Variants in PHIP observed in about 807,000 individuals in gnomAD.
The protein encoded by PHIP is PH-interacting protein.
A neutral mutation model predicts 236.8 loss-of-function variants in PHIP; 54 were observed. The ratio of observed to expected loss-of-function variants is 0.23; its 90% CI spans 0.18 to 0.29. The LOEUF is 0.29. Among genes scored for constraint, PHIP ranks in the 10% least tolerant of loss-of-function variants. The pLI, the probability that PHIP is intolerant of heterozygous loss-of-function variation, is 1.00. For synonymous variants in PHIP, 756 were observed against 718.9 expected (o/e 1.05, Z -0.83); for missense variants, 1,370 against 2,190.8 (o/e 0.63, Z 7.48).
In PHIP at chr6:78,981,047, T is replaced by C. The variant is rs1313397673; in HGVS notation, c.2769+1839A>G. On this transcript the variant is annotated intron_variant, in intron 23 of 39. Coordinates refer to ENST00000275034, the MANE Select transcript of PHIP (RefSeq NM_017934.7). ...TATGAGGACATATCTTATTCCCCAA[T>C]AATTCCTGAGGAACTTAGAATGTTT... 2.0e-5 allele frequency among the ~76,000 whole-genome samples: 3 copies of C among 152,040 alleles called. No individual in the cohort carries two copies. The East Asian group carries it at 5.8e-4, about 29-fold the overall frequency.
intron 7 of PHIP, among the ~76,000 whole-genome samples, chr6:79,041,811 T>C (rs535594324): frequency 9.2e-5 from 14 of 152,022 alleles, no homozygotes; most frequent in African/African-American, 3.1e-4. Context: ...ATGCCTGAGG[T>C]AGATTAGAGC....
At chr6:79,027,648 T>C (rs1282050635) in intron 7 of PHIP, among the ~76,000 whole-genome samples, 2 of 152,228 alleles carry the variant, frequency 1.3e-5, no homozygotes, top group Non-Finnish European at 2.9e-5. Flanking sequence ...ATGTATTATA[T>C]AGGACATATA....
chr6:78,991,566 ATAATT>A (rs1354464783), intron 19 of PHIP, among the ~76,000 whole-genome samples: 1 of 152,154 alleles, frequency 6.6e-6, no homozygotes, highest in Non-Finnish European at 1.5e-5. Context: ...TCATGAGAAG[ATAATT>A]TTATTTTTTA....
chr6:79,044,835 A>G (rs944162637), intron 6 of PHIP, among the ~76,000 whole-genome samples: 9 of 152,190 alleles, frequency 5.9e-5, no homozygotes, highest in Non-Finnish European at 8.8e-5. Context: ...CGGAGATGAT[A>G]AAGTATTTTA....
chr6:78,974,768 T>A (rs1481111469), intron 24 of PHIP, among the ~76,000 whole-genome samples: 1 of 151,284 alleles, frequency 6.6e-6, no homozygotes, highest in East Asian at 1.9e-4. Flanking sequence ...AACTAGAAAA[T>A]CTAGAAGAAA....
chr6:79,049,211 C>A (rs1772664722), intron 6 of PHIP, among the ~76,000 whole-genome samples: 1 of 151,864 alleles, frequency 6.6e-6, no homozygotes, highest in Non-Finnish European at 1.5e-5. Flanking sequence ...TACAGGTGTG[C>A]ACCACCATGC....
intron 28 of PHIP, 61 bp downstream of exon 28, chr6:78,965,884 G>T: frequency 7.7e-7 from 1 of 1,300,564 alleles, no homozygotes; most frequent in Non-Finnish European, 1.1e-6. Context: ...TCTCTTAATA[G>T]ATGGAAAAAA....
chr6:79,054,507 T>G (rs1306816432), intron 6 of PHIP, among the ~76,000 whole-genome samples: 1 of 151,250 alleles, frequency 6.6e-6, no homozygotes, highest in East Asian at 1.9e-4. Flanking sequence ...AAAGTATGGA[T>G]TGAGTAAGAA....
At chr6:79,023,261 T>C (rs1771214549) in intron 9 of PHIP, among the ~76,000 whole-genome samples, 1 of 152,080 alleles carries the variant, frequency 6.6e-6, no homozygotes, top group Non-Finnish European at 1.5e-5. Context: ...TTGTTGTTGT[T>C]TGTTTGTTTG....
intron 30 of PHIP, 67 bp from the exon 31 acceptor site, chr6:78,961,877 CTTGAA>C: frequency 2.3e-6 from 3 of 1,301,784 alleles, no homozygotes; most frequent in Non-Finnish European, 3.2e-6. Flanking sequence ...AAGAATTCTG[CTTGAA>C]TTAAGACTTA....
chr6:79,025,741 G>C, intron 8 of PHIP, 122 bp from the exon 9 acceptor site: 2 of 736,370 alleles, frequency 2.7e-6, no homozygotes, highest in South Asian at 3.4e-5. Context: ...AATTTACCAA[G>C]GTTATGTTAT....
intron 24 of PHIP, among the ~76,000 whole-genome samples, chr6:78,977,356 T>C (rs934219367): frequency 1.3e-5 from 2 of 150,928 alleles, no homozygotes; most frequent in Non-Finnish European, 3.0e-5. Flanking sequence ...AAGGGGAACA[T>C]CACACTCTGG....
At chr6:79,077,583 C>A in intron 3 of PHIP, 76 bp from the exon 4 acceptor site, 1 of 947,946 alleles carries the variant, frequency 1.1e-6, no homozygotes, top group Non-Finnish European at 1.3e-6. Flanking sequence ...CCGCCCCGCG[C>A]CCCGGCGGGG....
chr6:78,994,229 A>C (rs1582187821), intron 19 of PHIP, among the ~76,000 whole-genome samples: 1 of 152,330 alleles, frequency 6.6e-6, no homozygotes, highest in Non-Finnish European at 1.5e-5. Flanking sequence ...GAGGGAGGCT[A>C]CTCTAGTGAA....
In PHIP at chr6:78,940,899, C is replaced by T. The variant is rs766866427; in HGVS notation, c.5260G>A (p.Glu1754Lys). 1 of 1,613,806 alleles carries T rather than the reference C, an allele frequency of 6.2e-7. No homozygotes were observed. The highest frequency in any genetic ancestry group is 8.5e-7 in the Non-Finnish European group (1 of 1,179,810). The stretch of plus-strand genomic sequence containing the variant: ...GAGCCTTTGAGTTCTTCAAACTCTT[C>T]TTCCTCATCTATAGGATCATCTATC... Reference protein sequence around the residue: ...KKIDDPIDEEEEFEELKGSEP... With the variant: ...KKIDDPIDEEKEFEELKGSEP... The change falls in exon 40 of 40, where the codon GAA (glutamate) becomes AAA (lysine). Residue 1754 changes from glutamate (E) to lysine (K), a missense_variant. Glu to Lys is a moderately conservative substitution (Grantham distance 56). Transcript: ENST00000275034.
intron 9 of PHIP, among the ~76,000 whole-genome samples, chr6:79,024,051 A>G (rs1205341208): frequency 1.3e-5 from 2 of 152,212 alleles, no homozygotes. Context: ...TTTAAATACG[A>G]GGGATGCAAC....
intron 6 of PHIP, among the ~76,000 whole-genome samples, chr6:79,052,042 C>A (rs949215181): frequency 3.3e-5 from 5 of 151,928 alleles, no homozygotes; most frequent in Admixed American, 6.6e-5. Context: ...ATGGTACTTA[C>A]CCTCATGGAG....
At chr6:79,028,216 G>A (rs182901495) in intron 7 of PHIP, among the ~76,000 whole-genome samples, 75 of 152,112 alleles carry the variant, frequency 4.9e-4, no homozygotes, top group Admixed American at 7.9e-4. Flanking sequence ...GGCCTTTTAC[G>A]GTTTACTAAG....
intron 2 of PHIP, 56 bp from the exon 3 acceptor site, chr6:79,077,785 G>A (rs1342885559): frequency 1.0e-5 from 10 of 973,106 alleles, no homozygotes; most frequent in African/African-American, 1.8e-5. Flanking sequence ...CGGCCCCGCC[G>A]CCGCCGCCTC....
Sources: allele counts gnomAD v4.1 joint callset (sites outside exome capture counted in the v4.1 genomes callset), GRCh38; gene constraint gnomAD v4.1.1; transcripts MANE v1.5; gene names NCBI Gene and HGNC (gene_info 2026-07-23, HGNC 2026-07-21).